Variants in CLVS1 observed in about 807,000 individuals in gnomAD.
CLVS1 encodes clavesin 1, also known as clavesin-1.
In CLVS1, 10 loss-of-function variants were observed where a neutral mutation model predicts 33.1. The observed-to-expected ratio is 0.30, with a 90% CI of 0.19 to 0.51. CLVS1 has a LOEUF of 0.51. Ranked by LOEUF, CLVS1 falls within the 20% of genes least tolerant of loss-of-function variation. The probability of loss-of-function intolerance (pLI) is 0.97; values close to 1 mark genes in which losing one functional copy is unlikely to be tolerated. For synonymous variants in CLVS1, 163 were observed against 166.1 expected, an observed-to-expected ratio of 0.98 and a Z score of 0.14; for missense variants, 343 against 433.4, an observed-to-expected ratio of 0.79 and a Z score of 1.85.
chr8:61,424,732 A>T (rs1027268565), intron 3 of CLVS1, among the ~76,000 whole-genome samples: 1 of 152,148 alleles, frequency 6.6e-6, no homozygotes, highest in Non-Finnish European at 1.5e-5. Context: ...TTATTAGGTA[A>T]AGGTAGCTAA....
chr8:61,198,586 G>T (rs1260619932), intron 2 of CLVS1, among the ~76,000 whole-genome samples: 4 of 152,110 alleles, frequency 2.6e-5, no homozygotes. Flanking sequence ...CACCATGTTG[G>T]CCAGGCTGGT....
rs11371478 is a variant in CLVS1, at chr8:61,389,824, A to AT, written c.630+13046dup. Reference sequence around the variant, plus strand: ...TCATCTAAAGTAGCTATAATATGGTATAAAAATGTACAGCTTAAGAGATAA... The same window carrying AT: ...TCATCTAAAGTAGCTATAATATGGTATTAAAAATGTACAGCTTAAGAGATAA... On this transcript the variant is annotated intron_variant, in intron 3 of 5. Transcript: ENST00000325897. Among the ~76,000 whole-genome samples the AT allele has an allele frequency of 8.6e-3, 1,311 of 152,368 alleles. 19 individuals are homozygous for AT. The highest frequency in any genetic ancestry group is 0.029 in the African/African-American group (1,224 of 41,584).
At chr8:61,188,390 A>G (rs1486795106) in intron 2 of CLVS1, among the ~76,000 whole-genome samples, 1 of 152,184 alleles carries the variant, frequency 6.6e-6, no homozygotes, top group Non-Finnish European at 1.5e-5. Context: ...CCACAAAGAT[A>G]GCCAGGCATA....
At chr8:60,982,733 C>A in the CLVS1 span, among the ~76,000 whole-genome samples, 2 of 152,192 alleles carry the variant, frequency 1.3e-5, no homozygotes, top group East Asian at 3.8e-4. Context: ...TCTAGAAGAA[C>A]TTCCTGTCTG....
chr8:61,319,440 A>G (rs1451568058), intron 2 of CLVS1, among the ~76,000 whole-genome samples: 1 of 152,202 alleles, frequency 6.6e-6, no homozygotes, highest in Admixed American at 6.6e-5. Flanking sequence ...CAGGAAGGCA[A>G]TGTTCTCTTC....
intron 1 of CLVS1, among the ~76,000 whole-genome samples, chr8:61,070,154 C>A (rs1275291391): frequency 1.3e-5 from 2 of 152,164 alleles, no homozygotes; most frequent in Non-Finnish European, 2.9e-5. Flanking sequence ...GTTCTGCCTG[C>A]CCCTGAGGCC....
chr8:61,260,100 G>A (rs372514827), intron 2 of CLVS1, among the ~76,000 whole-genome samples: 28 of 152,124 alleles, frequency 1.8e-4, no homozygotes, highest in East Asian at 5.8e-4. Context: ...ATCTCCCTCC[G>A]TCATGTAACG....
At chr8:60,996,214 T>C in the CLVS1 span, among the ~76,000 whole-genome samples, 1 of 152,236 alleles carries the variant, frequency 6.6e-6, no homozygotes, top group Non-Finnish European at 1.5e-5. Context: ...AAAATCTATT[T>C]GGTAAATCTC....
At chr8:61,462,669 G>A (rs1817409197) in intron 5 of CLVS1, among the ~76,000 whole-genome samples, 2 of 152,160 alleles carry the variant, frequency 1.3e-5, no homozygotes, top group African/African-American at 2.4e-5. Flanking sequence ...TTTTGAAAGG[G>A]ATCTTTTTTT....
chr8:61,059,982 A>T (rs942989427), intron 1 of CLVS1, among the ~76,000 whole-genome samples: 1 of 152,056 alleles, frequency 6.6e-6, no homozygotes, highest in East Asian at 1.9e-4. Flanking sequence ...CCTCTCTTTC[A>T]TGCCCTCAAG....
At chr8:61,232,041 T>TTTTTTTTTTTTTTTTTTTTTG (rs1554548394) in intron 2 of CLVS1, among the ~76,000 whole-genome samples, 6 of 116,018 alleles carry the variant, frequency 5.2e-5, no homozygotes, top group East Asian at 2.7e-4. Flanking sequence ...TTTTTTTTTT[T>TTTTTTTTTTTTTTTTTTTTTG]TTTTTTTTTG....
intron 2 of CLVS1, among the ~76,000 whole-genome samples, chr8:61,323,681 G>C (rs1333797932): frequency 6.6e-6 from 1 of 151,826 alleles, no homozygotes; most frequent in Non-Finnish European, 1.5e-5. Context: ...TTTAAGTTCA[G>C]GGTTACAAGT....
the CLVS1 span, among the ~76,000 whole-genome samples, chr8:61,033,158 A>AG: frequency 1.5e-5 from 2 of 135,612 alleles, no homozygotes; most frequent in African/African-American, 5.5e-5. Context: ...AAAGAAAGAA[A>AG]GAAAAAGAAA....
At chr8:61,210,269 C>T (rs920076797) in intron 2 of CLVS1, among the ~76,000 whole-genome samples, 2 of 152,160 alleles carry the variant, frequency 1.3e-5, no homozygotes, top group Non-Finnish European at 2.9e-5. Flanking sequence ...CCTATTTCTC[C>T]CACTTTCCTG....
intron 2 of CLVS1, among the ~76,000 whole-genome samples, chr8:61,306,603 A>G (rs577084817): frequency 2.6e-5 from 4 of 152,336 alleles, no homozygotes; most frequent in South Asian, 2.1e-4. Flanking sequence ...TAGCATTGCC[A>G]TAAACATGGG....
At chr8:61,430,978 A>AT (rs1816090942) in intron 3 of CLVS1, among the ~76,000 whole-genome samples, 1 of 152,222 alleles carries the variant, frequency 6.6e-6, no homozygotes, top group South Asian at 2.1e-4. Context: ...TGCAGTTCTA[A>AT]TTTTAAAAAG....
At chr8:61,063,591 G>A (rs1247809172) in intron 1 of CLVS1, among the ~76,000 whole-genome samples, 1 of 152,184 alleles carries the variant, frequency 6.6e-6, no homozygotes, top group Non-Finnish European at 1.5e-5. Context: ...AAGCCTAGTG[G>A]AGGTGAGGGA....
the CLVS1 span, among the ~76,000 whole-genome samples, chr8:60,971,855 C>T: frequency 6.6e-6 from 1 of 152,120 alleles, no homozygotes; most frequent in African/African-American, 2.4e-5. Flanking sequence ...CCCCCACCTT[C>T]CCCCGTTTCT....
At chr8:61,497,676 C>A (rs1391320778) in intron 5 of CLVS1, among the ~76,000 whole-genome samples, 1 of 151,986 alleles carries the variant, frequency 6.6e-6, no homozygotes, top group Non-Finnish European at 1.5e-5. Context: ...GGATCTCATG[C>A]AAGAAAGAAT....
Sources: allele counts gnomAD v4.1 joint callset (sites outside exome capture counted in the v4.1 genomes callset), GRCh38; gene constraint gnomAD v4.1.1; transcripts MANE v1.5; gene names NCBI Gene and HGNC (gene_info 2026-07-23, HGNC 2026-07-21).